Variants in GXYLT2 observed in about 807,000 individuals in gnomAD.
The protein encoded by GXYLT2 is glycosyltransferase 8 domain containing 4.
A neutral mutation model predicts 45.8 loss-of-function variants in GXYLT2; 53 were observed. The observed-to-expected ratio is 1.16, with a 90% CI of 0.93 to 1.46. The LOEUF is 1.46. Among genes scored for constraint, GXYLT2 ranks in the 40% most tolerant of loss-of-function variants. GXYLT2 has a pLI of 0.00. For missense variants in GXYLT2, 551 were observed against 544.4 expected, an observed-to-expected ratio of 1.01 and a Z score of -0.12; for synonymous variants, 219 against 214.2, an observed-to-expected ratio of 1.02 and a Z score of -0.19.
Position 72,968,105 on chromosome 3 carries a change from C to A in GXYLT2, c.1149+386C>A, listed in dbSNP as rs148461176. On this transcript the variant is annotated intron_variant, in intron 6 of 6. Coordinates refer to ENST00000389617, the MANE Select transcript of GXYLT2 (RefSeq NM_001080393.2). Reference sequence around the variant, plus strand: ...TTTCCTGCCTCAGCCTCCCAAGTAGCTGGGACTACAGACACGCGCCGCCAT... The same window carrying A: ...TTTCCTGCCTCAGCCTCCCAAGTAGATGGGACTACAGACACGCGCCGCCAT... 3.8e-3 allele frequency among the ~76,000 whole-genome samples: 583 copies of A among 152,298 alleles called. 1 individual carries two copies. Among genetic ancestry groups the A allele is most frequent in the African/African-American group, 0.013 (529 of 41,564 alleles).
intron 2 of GXYLT2, among the ~76,000 whole-genome samples, chr3:72,911,372 C>T (rs1477267980): frequency 2.0e-5 from 3 of 152,132 alleles, no homozygotes; most frequent in Admixed American, 6.5e-5. Flanking sequence ...CCAAGGAGGC[C>T]CCCAATGGTC....
rs188080432 is a variant in GXYLT2, at chr3:72,937,566, G to A, written c.600+15231G>A. ...TTACAAATGAGGAAACTGAAATTGA[G>A]GAAAACTAAATCCTTTTCCTGGGGT... is the stretch of plus-strand genomic sequence containing the variant. On this transcript the variant is annotated intron_variant, in intron 3 of 6. Transcript: ENST00000389617. Among the ~76,000 whole-genome samples, 5 of 152,244 alleles carry A rather than the reference G, an allele frequency of 3.3e-5. No homozygotes were observed. In the East Asian group the frequency reaches 7.7e-4, roughly 24 times the overall value.
chr3:72,888,576 C>G (rs1403665719), intron 1 of GXYLT2, 68 bp downstream of exon 1: 3 of 1,018,474 alleles, frequency 2.9e-6, no homozygotes, highest in Non-Finnish European at 2.4e-6. Context: ...CGTGCCAAGT[C>G]CAAGGGAGGC....
chr3:72,955,008 A>G, intron 3 of GXYLT2, 90 bp from the exon 4 acceptor site: 1 of 1,341,244 alleles, frequency 7.5e-7, no homozygotes, highest in Non-Finnish European at 1.0e-6. Flanking sequence ...AGCATTATTT[A>G]CCTATCAGGC....
chr3:72,922,123 T>G, intron 2 of GXYLT2, 81 bp from the exon 3 acceptor site: 2 of 1,298,482 alleles, frequency 1.5e-6, no homozygotes, highest in Non-Finnish European at 2.1e-6. Flanking sequence ...TAATTTCCAT[T>G]TGACCATCCA....
At chr3:72,942,412 G>A (rs535194630) in intron 3 of GXYLT2, among the ~76,000 whole-genome samples, 4 of 152,124 alleles carry the variant, frequency 2.6e-5, no homozygotes, top group South Asian at 4.2e-4. Flanking sequence ...TAATTACTGC[G>A]GGTAAGATCT....
intron 6 of GXYLT2, among the ~76,000 whole-genome samples, chr3:72,968,471 ACAAT>A (rs773550115): frequency 1.6e-4 from 25 of 152,368 alleles, no homozygotes; most frequent in Middle Eastern, 3.4e-3. Flanking sequence ...ACTAAAAGTA[ACAAT>A]CAAGCCTTTA....
chr3:72,889,354 T>G (rs143684300), intron 1 of GXYLT2, among the ~76,000 whole-genome samples: 1 of 152,354 alleles, frequency 6.6e-6, no homozygotes, highest in Non-Finnish European at 1.5e-5. Context: ...TAACTGCCAT[T>G]GCAACGTCCT....
Position 72,955,136 on chromosome 3 carries a change from C to T in GXYLT2, c.639C>T (p.Asp213=). 6.2e-7 allele frequency: 1 copy of T among 1,613,990 alleles called. No individual in the cohort carries two copies. Among genetic ancestry groups the T allele is most frequent in the Non-Finnish European group, 8.5e-7 (1 of 1,179,856 alleles). The change falls in exon 4 of 7, where the codon GAC becomes GAT. Residue 213 remains aspartate (D), a synonymous_variant. Transcript: ENST00000389617. ...LKDVDSLLYV[D]TDVLFLRPVD... is the part of the protein sequence containing the mutation. ...ATGTGGACTCACTTCTCTACGTGGACACCGATGTCCTCTTTCTGAGACCTG... is the reference window on the plus strand; with the variant it reads ...ATGTGGACTCACTTCTCTACGTGGATACCGATGTCCTCTTTCTGAGACCTG...
At chr3:72,958,169 A>G (rs1328134445) in intron 5 of GXYLT2, among the ~76,000 whole-genome samples, 3 of 151,752 alleles carry the variant, frequency 2.0e-5, no homozygotes, top group African/African-American at 4.8e-5. Flanking sequence ...AGCTACTGGG[A>G]GGCTGAGGCA....
chr3:72,971,915 C>G (rs889193617), intron 6 of GXYLT2, among the ~76,000 whole-genome samples: 3 of 149,588 alleles, frequency 2.0e-5, no homozygotes, highest in African/African-American at 7.4e-5. Context: ...TGCCACTGCA[C>G]TCCAGCCTGG....
intron 1 of GXYLT2, among the ~76,000 whole-genome samples, chr3:72,891,234 A>G (rs899257610): frequency 1.3e-5 from 2 of 152,168 alleles, no homozygotes; most frequent in African/African-American, 4.8e-5. Flanking sequence ...GGGGAGGGTC[A>G]GGCTTGTGGT....
intron 3 of GXYLT2, among the ~76,000 whole-genome samples, chr3:72,954,637 A>AAAATAAATAAATAAATAAAT (rs3078689): frequency 7.4e-5 from 10 of 136,004 alleles, no homozygotes; most frequent in South Asian, 2.4e-4. Flanking sequence ...CTCCATCTCA[A>AAAATAAATAAATAAATAAAT]AAATAAATAA....
intron 1 of GXYLT2, among the ~76,000 whole-genome samples, chr3:72,891,198 G>T (rs984863204): frequency 1.6e-4 from 24 of 152,084 alleles, no homozygotes; most frequent in African/African-American, 5.8e-4. Flanking sequence ...AGAGATGAAG[G>T]CTACGTGATC....
intron 2 of GXYLT2, among the ~76,000 whole-genome samples, chr3:72,909,471 T>G (rs1288600241): frequency 1.3e-5 from 2 of 152,248 alleles, no homozygotes; most frequent in East Asian, 3.9e-4. Flanking sequence ...TAAATTGTAT[T>G]TCTTTTACGA....
intron 1 of GXYLT2, among the ~76,000 whole-genome samples, chr3:72,906,104 G>A (rs1245087324): frequency 6.6e-6 from 1 of 152,146 alleles, no homozygotes; most frequent in African/African-American, 2.4e-5. Context: ...TTTAGAAATT[G>A]ACTGTCATTT....
chr3:72,942,009 G>A (rs540677692), intron 3 of GXYLT2, among the ~76,000 whole-genome samples: 1 of 152,100 alleles, frequency 6.6e-6, no homozygotes, highest in Admixed American at 6.5e-5. Flanking sequence ...CTGAAGGCAG[G>A]GAAAATGCAA....
intron 6 of GXYLT2, among the ~76,000 whole-genome samples, chr3:72,973,968 T>G (rs1010893892): frequency 2.0e-5 from 3 of 152,208 alleles, no homozygotes; most frequent in African/African-American, 4.8e-5. Flanking sequence ...GTGTAAGCAG[T>G]ATTTCTGATT....
intron 1 of GXYLT2, among the ~76,000 whole-genome samples, chr3:72,890,139 C>T (rs949830771): frequency 2.6e-4 from 40 of 152,166 alleles, no homozygotes; most frequent in African/African-American, 9.2e-4. Context: ...CCAGGAACTC[C>T]TGAGCCCAGT....
Sources: gnomAD v4.1 joint callset for allele counts (sites outside exome capture counted in the v4.1 genomes callset) on GRCh38, gnomAD v4.1.1 for gene constraint, MANE v1.5 for transcripts, NCBI Gene and HGNC (gene_info 2026-07-23, HGNC 2026-07-21) for gene names.